LAMP2: variants seen among roughly 807,000 people sequenced by gnomAD.
LAMP2 encodes the protein lysosome-associated membrane glycoprotein 2.
Under a neutral mutation model 25.6 loss-of-function variants are expected in LAMP2, and 4 were observed. The observed-to-expected ratio is 0.16, with a 90% CI of 0.08 to 0.36. The LOEUF (loss-of-function observed/expected upper bound fraction) is 0.36, where lower values mean the gene tolerates loss of function less well. Ranked by LOEUF, LAMP2 falls within the 10% of genes least tolerant of loss-of-function variation. The pLI, the probability that LAMP2 is intolerant of heterozygous loss-of-function variation, is 1.00. For missense variants in LAMP2, 272 were observed against 301.4 expected (o/e 0.90, Z 0.72); for synonymous variants, 108 against 112.7 (o/e 0.96, Z 0.27).
intron 1 of LAMP2, among the ~76,000 whole-genome samples, chrX:120,462,479 T>A (rs1602543767): frequency 1.1e-5 from 1 of 91,318 alleles, no homozygotes; most frequent in Non-Finnish European, 2.1e-5. Flanking sequence ...CCAAGATCAC[T>A]CCACTGCACT....
rs1471622484 is a variant in LAMP2 at position 120,427,038 on chromosome X, T to A, written c.*4285A>T. 9.0e-6 allele frequency among the ~76,000 whole-genome samples: 1 copy of A among 111,672 alleles called. No individual in the cohort carries two copies. Among genetic ancestry groups the A allele is most frequent in the Non-Finnish European group, 1.9e-5 (1 of 53,140 alleles). On this transcript the variant is annotated 3_prime_UTR_variant, in exon 9 of 9. Transcript: ENST00000200639. The stretch of plus-strand genomic sequence containing the variant: ...GTAATTCCAGTTATTGGCAAAGGGT[T>A]CTGGCATGAGTTAATGGCAGCAATA...
rs1473573026 is a variant in LAMP2, at chrX:120,429,637, G to A, written c.*1686C>T. 2.7e-6 allele frequency: 2 copies of A among 750,005 alleles called. No individual in the cohort carries two copies. Among genetic ancestry groups the A allele is most frequent in the African/African-American group, 4.7e-5 (2 of 42,641 alleles). 61.8% of individuals were successfully genotyped at this position (750,005 alleles called of 1,213,427 possible). On this transcript the variant is annotated 3_prime_UTR_variant, in exon 9 of 9. Coordinates refer to ENST00000200639, the MANE Select transcript of LAMP2 (RefSeq NM_002294.3). ...TATTAGTATTAAAAAAAAAACTTAA[G>A]CAAAACATAGTACGGAAGCCCAAAG...
chrX:120,431,936 G>C (rs1347324002), intron 8 of LAMP2, among the ~76,000 whole-genome samples: 1 of 111,921 alleles, frequency 8.9e-6, no homozygotes, highest in Non-Finnish European at 1.9e-5. Flanking sequence ...AATGGGAAAA[G>C]AGATATAAGA....
intron 8 of LAMP2, among the ~76,000 whole-genome samples, chrX:120,432,766 A>G (rs1374922785): frequency 9.0e-6 from 1 of 111,224 alleles, no homozygotes; most frequent in Non-Finnish European, 1.9e-5. Context: ...CGTGGAAGAG[A>G]GAGATGCTCA....
chrX:120,468,622 C>T (rs895574028), intron 1 of LAMP2, among the ~76,000 whole-genome samples: 1 of 110,704 alleles, frequency 9.0e-6, no homozygotes, highest in African/African-American at 3.3e-5. Flanking sequence ...GTCCCCCACC[C>T]ACACACTTCT....
At chrX:120,435,689 A>C (rs1251213613) in intron 8 of LAMP2, among the ~76,000 whole-genome samples, 2 of 112,181 alleles carry the variant, frequency 1.8e-5, no homozygotes. Flanking sequence ...TGGATGAAGA[A>C]ATTGAGACAC....
chrX:120,430,618 A>G lies in LAMP2; in HGVS notation c.*705T>C. 1.3e-6 allele frequency: 1 copy of G among 753,270 alleles called. No homozygotes were observed. Among genetic ancestry groups the G allele is most frequent in the Non-Finnish European group, 1.6e-6 (1 of 638,225 alleles). The allele number at this position is 753,270 out of a possible 1,213,427, so 62.1% of individuals were successfully genotyped here. A position where few individuals can be genotyped will look rare whatever the true frequency, so the allele number is the denominator to read the frequency against. On this transcript the variant is annotated 3_prime_UTR_variant, in exon 9 of 9. Transcript: ENST00000200639. ...AGTCTATATTGCTGAAAAACAAACAATTATCTTAAAAACTCTAATTACGAA... is the reference window on the plus strand; with the variant it reads ...AGTCTATATTGCTGAAAAACAAACAGTTATCTTAAAAACTCTAATTACGAA...
At chrX:120,445,587 AC>A (rs2058592349) in intron 6 of LAMP2, among the ~76,000 whole-genome samples, 1 of 112,312 alleles carries the variant, frequency 8.9e-6, no homozygotes, top group Non-Finnish European at 1.9e-5. Context: ...CTTCTATTCC[AC>A]CAGTCTCATT....
At chrX:120,453,935 T>C (rs2058632916) in intron 3 of LAMP2, among the ~76,000 whole-genome samples, 1 of 112,717 alleles carries the variant, frequency 8.9e-6, no homozygotes. Context: ...TGACCTGAAA[T>C]TGTCTTAAAA....
At chrX:120,432,282 T>C (rs1196776199) in intron 8 of LAMP2, among the ~76,000 whole-genome samples, 2 of 110,587 alleles carry the variant, frequency 1.8e-5, no homozygotes, top group Admixed American at 9.7e-5. Context: ...CGCAAGCAGG[T>C]TGGCAGAGCT....
intron 8 of LAMP2, among the ~76,000 whole-genome samples, chrX:120,440,030 A>G (rs1285474443): frequency 8.9e-6 from 1 of 112,032 alleles, no homozygotes; most frequent in Non-Finnish European, 1.9e-5. Context: ...ACATGAGAGC[A>G]TATAAAATTC....
At chrX:120,462,473 G>C (rs974893544) in intron 1 of LAMP2, among the ~76,000 whole-genome samples, 2 of 97,499 alleles carry the variant, frequency 2.1e-5, no homozygotes, top group Non-Finnish European at 4.0e-5. Context: ...AGTGAGCCAA[G>C]ATCACTCCAC....
chrX:120,438,386 C>T, intron 8 of LAMP2: 2 of 746,681 alleles, frequency 2.7e-6, no homozygotes, highest in African/African-American at 4.6e-5. Context: ...CTCTAAAGCA[C>T]CTAAAAAATG....
chrX:120,463,465 C>G (rs1461132998), intron 1 of LAMP2, among the ~76,000 whole-genome samples: 1 of 111,971 alleles, frequency 8.9e-6, no homozygotes, highest in African/African-American at 3.2e-5. Context: ...AATTCTTTCA[C>G]AATGCACAGC....
chrX:120,465,460 CTTT>C (rs1249293376), intron 1 of LAMP2, among the ~76,000 whole-genome samples: 1 of 112,263 alleles, frequency 8.9e-6, no homozygotes, highest in African/African-American at 3.2e-5. Flanking sequence ...CCACTATCCA[CTTT>C]ATAACACCTC....
In LAMP2 at chrX:120,429,207, G is replaced by T. The variant is rs1730670725; in HGVS notation, c.*2116C>A. ...ACACACAATTATTTTTAGCTGAGCGGTGGCCTGGAAGAATAACAGCAGTAT... is the reference window on the plus strand; with the variant it reads ...ACACACAATTATTTTTAGCTGAGCGTTGGCCTGGAAGAATAACAGCAGTAT... On this transcript the variant is annotated 3_prime_UTR_variant, in exon 9 of 9. Transcript: ENST00000200639. 2 of 748,415 alleles carry T rather than the reference G, an allele frequency of 2.7e-6. No individual in the cohort carries two copies. Among genetic ancestry groups the T allele is most frequent in the Non-Finnish European group, 3.1e-6 (2 of 638,164 alleles). The allele number at this position is 748,415 out of a possible 1,213,427, so 61.7% of individuals were successfully genotyped here. A position where few individuals can be genotyped will look rare whatever the true frequency, so the allele number is the denominator to read the frequency against.
At chrX:120,465,393 T>A (rs1252437126) in intron 1 of LAMP2, among the ~76,000 whole-genome samples, 2 of 111,267 alleles carry the variant, frequency 1.8e-5, no homozygotes, top group Admixed American at 1.9e-4. Context: ...AATCCTGAAA[T>A]CTATGATATC....
rs1348963259 is a variant in LAMP2 at position 120,429,912 on chromosome X, T to C, written c.*1411A>G. ...TATGATTAAGCAATAACTTGTACTTTTCTTCTAATTTTAACTTTTCCTCCT... is the reference window on the plus strand; with the variant it reads ...TATGATTAAGCAATAACTTGTACTTCTCTTCTAATTTTAACTTTTCCTCCT... On this transcript the variant is annotated 3_prime_UTR_variant, in exon 9 of 9. Transcript: ENST00000200639. 3 of 751,019 alleles carry C rather than the reference T, an allele frequency of 4.0e-6. No individual in the cohort carries two copies. The highest frequency in any genetic ancestry group is 4.7e-6 in the Non-Finnish European group (3 of 637,217). 61.9% of individuals were successfully genotyped at this position (751,019 alleles called of 1,213,427 possible).
intron 1 of LAMP2, among the ~76,000 whole-genome samples, chrX:120,458,272 A>G (rs1413316422): frequency 8.9e-6 from 1 of 111,875 alleles, no homozygotes; most frequent in Non-Finnish European, 1.9e-5. Context: ...AAAACATTCA[A>G]AAGTATTGAA....
Sources: gnomAD v4.1 joint callset for allele counts (sites outside exome capture counted in the v4.1 genomes callset) on GRCh38, gnomAD v4.1.1 for gene constraint, MANE v1.5 for transcripts, NCBI Gene and HGNC (gene_info 2026-07-23, HGNC 2026-07-21) for gene names.